The following PYCR3 variants were observed in gnomAD, a reference collection of about 807,000 sequenced individuals.
PYCR3 encodes pyrroline-5-carboxylate reductase 3.
A neutral mutation model predicts 23.4 loss-of-function variants in PYCR3; 26 were observed. The observed-to-expected ratio is 1.11, with a 90% CI of 0.81 to 1.54. PYCR3 has a LOEUF of 1.54. PYCR3 is among the 40% of genes most tolerant of loss of function. The pLI is 0.00. For missense variants in PYCR3, 360 were observed against 376.3 expected, an observed-to-expected ratio of 0.96 and a Z score of 0.36; for synonymous variants, 194 against 162.6, an observed-to-expected ratio of 1.19 and a Z score of -1.47.
chr8:143,604,439 G>C lies in PYCR3; in HGVS notation c.*1261C>G. ...TGGCCGCAGAGGCAGCTGAGCATGA[G>C]GGATGGAGCGTGCTGCTGTCCTGCA... On this transcript the variant is annotated 3_prime_UTR_variant, in exon 6 of 6. Transcript: ENST00000495276. 1 of 184,334 alleles carries C rather than the reference G, an allele frequency of 5.4e-6. No individual in the cohort carries two copies. 11.4% of individuals were successfully genotyped at this position (184,334 alleles called of 1,614,324 possible). A position where few individuals can be genotyped will look rare whatever the true frequency, so the allele number is the denominator to read the frequency against.
chr8:143,605,915 G>A, intron 5 of PYCR3, 33 bp from the exon 6 acceptor site: 2 of 1,585,712 alleles, frequency 1.3e-6, no homozygotes, highest in Non-Finnish European at 8.6e-7. Context: ...GTGACGGGGG[G>A]AGGTGGTGCG....
chr8:143,604,236 G>A lies in PYCR3; in HGVS notation c.*1464C>T, dbSNP rs1829327907. Reference sequence around the variant, plus strand: ...CCTCTGGTGAAACATGAGCTCACTTGGTGCTCTCTGGCCTCTTTATTCCCA... The same window carrying A: ...CCTCTGGTGAAACATGAGCTCACTTAGTGCTCTCTGGCCTCTTTATTCCCA... On this transcript the variant is annotated 3_prime_UTR_variant, in exon 6 of 6. Transcript: ENST00000495276. 6.6e-6 allele frequency: 1 copy of A among 152,222 alleles called. No individual in the cohort carries two copies. Among genetic ancestry groups the A allele is most frequent in the East Asian group, 1.9e-4 (1 of 5,192 alleles). The allele number at this position is 152,222 out of a possible 1,614,324, so 9.4% of individuals were successfully genotyped here.
rs368091470 is a variant in PYCR3, at chr8:143,605,792, G to A, written c.733C>T (p.Leu245Phe). 31 of 1,612,144 alleles carry A rather than the reference G, an allele frequency of 1.9e-5. No homozygotes were observed. Among genetic ancestry groups the A allele is most frequent in the Non-Finnish European group, 2.6e-5 (31 of 1,179,784 alleles). Residue 245 changes from leucine (L) to phenylalanine (F), a missense_variant, in exon 6 of 6, where the codon CTC becomes TTC. By Grantham distance (22) the Leu-to-Phe change is conservative. Transcript: ENST00000495276. ...CTPGGTTIYG[L>F]HALEQGGLRA... ...AGCCCGCCCTGCTCCAGGGCGTGGA[G>A]TCCATAGATGGTGGTGCCACCCGGG...
intron 1 of PYCR3, chr8:143,608,329 G>A (rs147941453): frequency 1.9e-5 from 11 of 583,402 alleles, no homozygotes; most frequent in Middle Eastern, 9.2e-4. Flanking sequence ...GGCGGTCAAC[G>A]CCCCTGACTG....
At position 143,604,580 on chromosome 8, in the gene PYCR3, G is replaced by A. The variant is rs2131395717; in HGVS notation, c.*1120C>T. On this transcript the variant is annotated 3_prime_UTR_variant, in exon 6 of 6. Coordinates refer to ENST00000495276, the MANE Select transcript of PYCR3 (RefSeq NM_023078.6). ...AGGGCATGCTCCCGCCTCACCTCCA[G>A]AGGCTGTTGGGCGGAAGCCGAGAGC... is the stretch of plus-strand genomic sequence containing the variant. 1 of 308,944 alleles carries A rather than the reference G, an allele frequency of 3.2e-6. No homozygotes were observed. The highest frequency in any genetic ancestry group is 2.2e-5 in the African/African-American group (1 of 44,694). 19.1% of individuals were successfully genotyped at this position (308,944 alleles called of 1,614,324 possible). A position where few individuals can be genotyped will look rare whatever the true frequency, so the allele number is the denominator to read the frequency against.
In PYCR3 at chr8:143,604,579, A is replaced by G. The variant is rs1385865622; in HGVS notation, c.*1121T>C. On this transcript the variant is annotated 3_prime_UTR_variant, in exon 6 of 6. Coordinates refer to ENST00000495276, the MANE Select transcript of PYCR3 (RefSeq NM_023078.6). ...GAGGGCATGCTCCCGCCTCACCTCC[A>G]GAGGCTGTTGGGCGGAAGCCGAGAG... is the stretch of plus-strand genomic sequence containing the variant. The G allele has an allele frequency of 2.9e-5, 9 of 308,662 alleles. No individual in the cohort carries two copies. Among genetic ancestry groups the G allele is most frequent in the African/African-American group, 9.0e-5 (4 of 44,600 alleles). The allele number at this position is 308,662 out of a possible 1,614,324, so 19.1% of individuals were successfully genotyped here.
chr8:143,605,061 C>T lies in PYCR3; in HGVS notation c.*639G>A, dbSNP rs1352349759. 2.5e-6 allele frequency: 1 copy of T among 405,834 alleles called. No homozygotes were observed. Among genetic ancestry groups the T allele is most frequent in the Non-Finnish European group, 4.9e-6 (1 of 204,072 alleles). The allele number at this position is 405,834 out of a possible 1,614,324, so 25.1% of individuals were successfully genotyped here. ...GTGCCACCCCAGCACTGCCGCAGACCTGGCCCAGCAGCTCCTGCTCCTTAG... is the reference window on the plus strand; with the variant it reads ...GTGCCACCCCAGCACTGCCGCAGACTTGGCCCAGCAGCTCCTGCTCCTTAG... On this transcript the variant is annotated 3_prime_UTR_variant, in exon 6 of 6. Coordinates refer to ENST00000495276, the MANE Select transcript of PYCR3 (RefSeq NM_023078.6).
At position 143,605,619 on chromosome 8, in the gene PYCR3, G is replaced by A. The variant is rs1407353816; in HGVS notation, c.*81C>T. 7.8e-7 allele frequency: 1 copy of A among 1,274,966 alleles called. No homozygotes were observed. Among genetic ancestry groups the A allele is most frequent in the East Asian group, 2.5e-5 (1 of 40,528 alleles). 79.0% of individuals were successfully genotyped at this position (1,274,966 alleles called of 1,614,324 possible). A position where few individuals can be genotyped will look rare whatever the true frequency, so the allele number is the denominator to read the frequency against. The stretch of plus-strand genomic sequence containing the variant: ...GCAGTAGGAGACCCTCATGCAGGAG[G>A]GAGGGAGCCGCAGTCCTCAGGGGAA... On this transcript the variant is annotated 3_prime_UTR_variant, in exon 6 of 6. Transcript: ENST00000495276.
rs2131395539 is a variant in PYCR3, at chr8:143,604,473, T to C, written c.*1227A>G. The C allele has an allele frequency of 4.7e-6, 1 of 213,114 alleles. No individual in the cohort carries two copies. Among genetic ancestry groups the C allele is most frequent in the Admixed American group, 5.7e-5 (1 of 17,634 alleles). 13.2% of individuals were successfully genotyped at this position (213,114 alleles called of 1,614,324 possible). A position where few individuals can be genotyped will look rare whatever the true frequency, so the allele number is the denominator to read the frequency against. ...CGTGCTGCTGTCCTGCAGGTGCCGTTAGCCCTGTTTTGCACTGGTGGATTG... is the reference window on the plus strand; with the variant it reads ...CGTGCTGCTGTCCTGCAGGTGCCGTCAGCCCTGTTTTGCACTGGTGGATTG... On this transcript the variant is annotated 3_prime_UTR_variant, in exon 6 of 6. Transcript: ENST00000495276.
chr8:143,606,043 A>G lies in PYCR3; in HGVS notation c.642+19T>C. The G allele has an allele frequency of 6.2e-7, 1 of 1,600,602 alleles. No individual in the cohort carries two copies. On this transcript the variant is annotated intron_variant, in intron 5 of 5. Transcript: ENST00000495276. Reference sequence around the variant, plus strand: ...GGCCTGGGCCTTCCCGATGTTCCCCAGGGGCCACCCTCACTCACCAGCAGG... The same window carrying G: ...GGCCTGGGCCTTCCCGATGTTCCCCGGGGGCCACCCTCACTCACCAGCAGG...
In PYCR3 at chr8:143,604,918, G is replaced by A. The variant is rs1417992762; in HGVS notation, c.*782C>T. ...CACCTGGCCACTTGTCAGGAGCTTA[G>A]GATTGGGAGGAAAGAGGGAGCCTGT... On this transcript the variant is annotated 3_prime_UTR_variant, in exon 6 of 6. Coordinates refer to ENST00000495276, the MANE Select transcript of PYCR3 (RefSeq NM_023078.6). 2 of 510,906 alleles carry A rather than the reference G, an allele frequency of 3.9e-6. No individual in the cohort carries two copies. The highest frequency in any genetic ancestry group is 3.9e-6 in the Non-Finnish European group (1 of 256,474). The allele number at this position is 510,906 out of a possible 1,614,324, so 31.6% of individuals were successfully genotyped here. A position where few individuals can be genotyped will look rare whatever the true frequency, so the allele number is the denominator to read the frequency against.
At chr8:143,608,150 G>C (rs1372241606) in intron 1 of PYCR3, 24 bp from the exon 2 acceptor site, 1 of 1,603,674 alleles carries the variant, frequency 6.2e-7, no homozygotes, top group East Asian at 2.2e-5. Context: ...AAAAGGAAGA[G>C]GGGTTGGTGA....
At chr8:143,608,748 T>G in intron 1 of PYCR3, 1 of 448,314 alleles carries the variant, frequency 2.2e-6, no homozygotes, top group Non-Finnish European at 4.5e-6. Flanking sequence ...CACTAGACAT[T>G]TATGTCTCAT....
Position 143,605,646 on chromosome 8 carries a change from G to A in PYCR3, c.*54C>T. The A allele has an allele frequency of 1.3e-6, 2 of 1,508,802 alleles. No homozygotes were observed. Among genetic ancestry groups the A allele is most frequent in the South Asian group, 1.2e-5 (1 of 82,106 alleles). The allele number at this position is 1,508,802 out of a possible 1,614,324, so 93.5% of individuals were successfully genotyped here. On this transcript the variant is annotated 3_prime_UTR_variant, in exon 6 of 6. Transcript: ENST00000495276. Reference sequence around the variant, plus strand: ...AGGGAGCCGCAGTCCTCAGGGGAAGGGACACAGGGAGAGGCAGGGGCACAG... The same window carrying A: ...AGGGAGCCGCAGTCCTCAGGGGAAGAGACACAGGGAGAGGCAGGGGCACAG...
intron 1 of PYCR3, 191 bp from the exon 2 acceptor site, chr8:143,608,317 T>C (rs1829457669): frequency 3.4e-6 from 2 of 591,462 alleles, no homozygotes; most frequent in Admixed American, 3.1e-5. Context: ...CTGATTCTAC[T>C]TGGCGGTCAA....
intron 4 of PYCR3, 23 bp from the exon 5 acceptor site, chr8:143,606,177 G>A: frequency 1.3e-6 from 2 of 1,577,750 alleles, no homozygotes; most frequent in South Asian, 1.1e-5. Flanking sequence ...CATGGTGGTT[G>A]GGGGGGATAG....
chr8:143,605,459 C>G lies in PYCR3; in HGVS notation c.*241G>C, dbSNP rs1232057821. ...TTGCAGCAAGGTGGGCTCACTGCAG[C>G]AAGGGGCAGAGCCACCACCACGGTG... On this transcript the variant is annotated 3_prime_UTR_variant, in exon 6 of 6. Transcript: ENST00000495276. 19 of 537,200 alleles carry G rather than the reference C, an allele frequency of 3.5e-5. No homozygotes were observed. The highest frequency in any genetic ancestry group is 5.0e-5 in the Non-Finnish European group (15 of 300,734). The allele number at this position is 537,200 out of a possible 1,614,324, so 33.3% of individuals were successfully genotyped here.
intron 2 of PYCR3, among the ~76,000 whole-genome samples, chr8:143,607,378 G>A (rs1829430921): frequency 6.6e-6 from 1 of 152,116 alleles, no homozygotes; most frequent in Non-Finnish European, 1.5e-5. Flanking sequence ...GAATGTCTGT[G>A]ACCACCACCC....
Position 143,606,549 on chromosome 8 carries a change from A to G in PYCR3, c.467T>C (p.Leu156Pro). ...SSETKLLQHL[L>P]EACGRCEEVP... is the part of the protein sequence containing the mutation. The stretch of plus-strand genomic sequence containing the variant: ...CTCCTCACACCGCCCACAGGCCTCC[A>G]GCAGATGCTGCAGGAGCTTGGTCTC... Residue 156 changes from leucine to proline, a missense_variant, in exon 4 of 6, where the codon CTG becomes CCG. Coordinates refer to ENST00000495276, the MANE Select transcript of PYCR3 (RefSeq NM_023078.6). 1 of 1,612,900 alleles carries G rather than the reference A, an allele frequency of 6.2e-7. No individual in the cohort carries two copies. The highest frequency in any genetic ancestry group is 1.3e-5 in the African/African-American group (1 of 75,050).
Sources: allele counts gnomAD v4.1 joint callset (sites outside exome capture counted in the v4.1 genomes callset), GRCh38; gene constraint gnomAD v4.1.1; transcripts MANE v1.5; gene names NCBI Gene and HGNC (gene_info 2026-07-23, HGNC 2026-07-21).